NAA16: variants seen among roughly 807,000 people sequenced by gnomAD.
NAA16 encodes N-alpha-acetyltransferase 16, NatA auxiliary subunit, also known as NARG1-like protein.
Under a neutral mutation model 110.3 loss-of-function variants are expected in NAA16, and 97 were observed. The ratio of observed to expected loss-of-function variants is 0.88; its 90% CI spans 0.75 to 1.04. The LOEUF (loss-of-function observed/expected upper bound fraction) is 1.04, where lower values mean the gene tolerates loss of function less well. NAA16 is among the 50% of genes least tolerant of loss of function. The pLI, the probability that NAA16 is intolerant of heterozygous loss-of-function variation, is 0.00. For synonymous variants in NAA16, 372 were observed against 330.6 expected (o/e 1.13, Z -1.36); for missense variants, 1,017 against 1,005.1 (o/e 1.01, Z -0.16).
chr13:41,355,290 A>G lies in NAA16; in HGVS notation c.1087+74A>G, dbSNP rs1484802586. The G allele has an allele frequency of 6.8e-5, 62 of 916,324 alleles. 1 individual carries two copies. In the Admixed American group the frequency reaches 1.1e-3, roughly 17 times the overall value. 56.8% of individuals were successfully genotyped at this position (916,324 alleles called of 1,614,324 possible). On this transcript the variant is annotated intron_variant, in intron 10 of 19. Coordinates refer to ENST00000379406, the MANE Select transcript of NAA16 (RefSeq NM_024561.5). ...TAATCACAGTAATGCTCTTTTATGT[A>G]TATTATGTGTGTGCTACCTAATGGC...
intron 13 of NAA16, 90 bp downstream of exon 13, chr13:41,362,249 T>A: frequency 1.0e-5 from 14 of 1,375,582 alleles, no homozygotes; most frequent in Non-Finnish European, 1.2e-5. Context: ...CTCTTCTAAC[T>A]TCTCTGGGAG....
chr13:41,375,241 A>G (rs2043406246), intron 19 of NAA16, among the ~76,000 whole-genome samples, 164 bp from the exon 20 acceptor site: 1 of 152,134 alleles, frequency 6.6e-6, no homozygotes, highest in Admixed American at 6.5e-5. Flanking sequence ...TTGAATTTTT[A>G]ATGTGCCTTT....
At chr13:41,373,091 A>G (rs2043354898) in intron 17 of NAA16, 15 of 904,244 alleles carry the variant, frequency 1.7e-5, no homozygotes, top group Non-Finnish European at 2.0e-5. Flanking sequence ...GCAAAATAAT[A>G]ATAATTTACA....
intron 8 of NAA16, 23 bp from the exon 9 acceptor site, chr13:41,336,627 A>G (rs1365136423): frequency 7.2e-7 from 1 of 1,391,114 alleles, no homozygotes; most frequent in Non-Finnish European, 1.0e-6. Flanking sequence ...CCAAAGAATA[A>G]CAAAGTACGC....
chr13:41,340,998 T>A (rs2042529396), intron 9 of NAA16, among the ~76,000 whole-genome samples: 1 of 152,184 alleles, frequency 6.6e-6, no homozygotes, highest in African/African-American at 2.4e-5. Context: ...AGTTCTAATT[T>A]GATTGCACTG....
chr13:41,317,059 A>AT (rs2041828794), intron 2 of NAA16, 129 bp downstream of exon 2: 6 of 639,698 alleles, frequency 9.4e-6, no homozygotes, highest in African/African-American at 1.8e-5. Context: ...AATGTTCAGC[A>AT]TTTTTTTAAT....
intron 8 of NAA16, among the ~76,000 whole-genome samples, chr13:41,334,482 ATTC>A (rs2042324918): frequency 6.6e-6 from 1 of 152,174 alleles, no homozygotes; most frequent in Non-Finnish European, 1.5e-5. Flanking sequence ...GAAACAGTCT[ATTC>A]TTGCTGTTTA....
chr13:41,320,559 G>GA (rs748336343), intron 3 of NAA16, 108 bp from the exon 4 acceptor site: 6 of 1,114,962 alleles, frequency 5.4e-6, no homozygotes, highest in Non-Finnish European at 7.4e-6. Context: ...AGATCATTCT[G>GA]AACAAATCCC....
chr13:41,350,081 G>A (rs993794335), intron 9 of NAA16, among the ~76,000 whole-genome samples: 4 of 151,834 alleles, frequency 2.6e-5, no homozygotes, highest in African/African-American at 9.7e-5. Context: ...CTCAGCCTGG[G>A]CAATGTAGTG....
intron 19 of NAA16, 133 bp from the exon 20 acceptor site, chr13:41,375,272 T>C (rs2043407108): frequency 1.6e-6 from 1 of 623,318 alleles, no homozygotes. Context: ...TTGCTTACTG[T>C]GTAGATTGTA....
chr13:41,311,611 C>T lies in NAA16; in HGVS notation c.54+29C>T, dbSNP rs771675402. 28 of 1,591,120 alleles carry T rather than the reference C, an allele frequency of 1.8e-5. 1 individual carries two copies. In the South Asian group the frequency reaches 2.4e-4, roughly 14 times the overall value. On this transcript the variant is annotated intron_variant, in intron 1 of 19. Coordinates refer to ENST00000379406, the MANE Select transcript of NAA16 (RefSeq NM_024561.5). Reference sequence around the variant, plus strand: ...AGTGGCCGTAGGCCGCGCTGCCGCCCCCCGGTCCCCGGGTCCTCGGGCCTT... The same window carrying T: ...AGTGGCCGTAGGCCGCGCTGCCGCCTCCCGGTCCCCGGGTCCTCGGGCCTT...
rs1277465890 is a variant in NAA16, at chr13:41,328,807, T to A, written c.775T>A (p.Cys259Ser). 6.2e-7 allele frequency: 1 copy of A among 1,604,920 alleles called. No individual in the cohort carries two copies. The highest frequency in any genetic ancestry group is 2.2e-5 in the East Asian group (1 of 44,696). The change falls in exon 7 of 20, where the codon TGT (cysteine) becomes AGT (serine). Residue 259 changes from cysteine (C) to serine (S), a missense_variant. By Grantham distance (112) the Cys-to-Ser change is moderately radical. Coordinates refer to ENST00000379406, the MANE Select transcript of NAA16 (RefSeq NM_024561.5). The stretch of plus-strand genomic sequence containing the variant: ...GATTGATCGAAATGCAGAAAATTGG[T>A]GTTATTATGAAGGCTTGGAAAAAGC... ...NLIDRNAENW[C>S]YYEGLEKALQ...
rs1031547778 is a variant in NAA16, at chr13:41,351,044, G to A, written c.1015-4100G>A. ...GTTTGTGAGTGTCAGGCTCTTAAGT[G>A]AAGACGTTCAATGAGTCAACATCCA... On this transcript the variant is annotated intron_variant, in intron 9 of 19. Coordinates refer to ENST00000379406, the MANE Select transcript of NAA16 (RefSeq NM_024561.5). Among the ~76,000 whole-genome samples, 10 of 152,306 alleles carry A rather than the reference G, an allele frequency of 6.6e-5. No individual in the cohort carries two copies. The South Asian group carries it at 2.1e-3, about 32-fold the overall frequency.
chr13:41,316,980 A>G, intron 2 of NAA16, 50 bp downstream of exon 2: 2 of 1,224,952 alleles, frequency 1.6e-6, no homozygotes, highest in African/African-American at 1.5e-5. Context: ...TTCTAAAACC[A>G]GGCATTAACA....
intron 1 of NAA16, among the ~76,000 whole-genome samples, chr13:41,316,125 A>T (rs886942801): frequency 6.6e-6 from 1 of 150,972 alleles, no homozygotes; most frequent in Non-Finnish European, 1.5e-5. Flanking sequence ...GTGAATTGTC[A>T]TTTTTTTCTG....
intron 9 of NAA16, among the ~76,000 whole-genome samples, chr13:41,351,162 G>A (rs1270158600): frequency 6.6e-6 from 1 of 152,084 alleles, no homozygotes; most frequent in Non-Finnish European, 1.5e-5. Context: ...TCATAAAGTT[G>A]GGGAAAATAA....
At chr13:41,325,915 C>T in intron 6 of NAA16, 64 bp downstream of exon 6, 2 of 1,348,766 alleles carry the variant, frequency 1.5e-6, no homozygotes, top group South Asian at 1.4e-5. Flanking sequence ...ATATTTTATT[C>T]TCTCCTAAGT....
chr13:41,372,269 A>G lies in NAA16; in HGVS notation c.2014A>G (p.Ile672Val). 6.2e-7 allele frequency: 1 copy of G among 1,601,906 alleles called. No individual in the cohort carries two copies. The highest frequency in any genetic ancestry group is 8.5e-7 in the Non-Finnish European group (1 of 1,175,166). ...IPLKNLVADN[I>V]DTHLLAFEIY... is the part of the protein sequence containing the mutation. ...TCTTAAGAACCTTGTTGCTGATAAC[A>G]TTGACACTCATCTGTTAGCATTTGA... is the stretch of plus-strand genomic sequence containing the variant. Residue 672 changes from isoleucine to valine, a missense_variant, in exon 16 of 20, where the codon ATT (isoleucine) becomes GTT (valine). By Grantham distance (29) the Ile-to-Val change is conservative. Coordinates refer to ENST00000379406, the MANE Select transcript of NAA16 (RefSeq NM_024561.5).
intron 9 of NAA16, among the ~76,000 whole-genome samples, chr13:41,342,240 C>T (rs190159248): frequency 1.3e-4 from 20 of 151,820 alleles, no homozygotes; most frequent in Admixed American, 6.6e-4. Flanking sequence ...CAGGTTCAAG[C>T]GAGCCTCCTG....
Sources: gnomAD v4.1 joint callset for allele counts (sites outside exome capture counted in the v4.1 genomes callset) on GRCh38, gnomAD v4.1.1 for gene constraint, MANE v1.5 for transcripts, NCBI Gene and HGNC (gene_info 2026-07-23, HGNC 2026-07-21) for gene names.